The following CYP20A1 variants were observed in gnomAD, a reference collection of about 807,000 sequenced individuals.
The protein encoded by CYP20A1 is cytochrome P450 family 20 subfamily A member 1, also known as cytochrome P450 20A1.
In CYP20A1, 61 loss-of-function variants were observed where a neutral mutation model predicts 61.4. That is an observed-to-expected ratio of 0.99 (90% CI 0.81 to 1.23). The LOEUF is 1.23. Among genes scored for constraint, CYP20A1 ranks in the 50% most tolerant of loss-of-function variants. The probability of loss-of-function intolerance (pLI) is 0.00; values close to 1 mark genes in which losing one functional copy is unlikely to be tolerated. For missense variants in CYP20A1, 530 were observed against 542.4 expected (o/e 0.98, Z 0.23); for synonymous variants, 193 against 188.2 (o/e 1.03, Z -0.21).
chr2:203,241,631 G>A (rs184043414), intron 1 of CYP20A1, among the ~76,000 whole-genome samples: 26 of 152,228 alleles, frequency 1.7e-4, no homozygotes, highest in Non-Finnish European at 2.9e-5. Context: ...TTAAGTTAAG[G>A]CCTAATAATT....
chr2:203,267,409 C>G (rs1017603958), intron 5 of CYP20A1, among the ~76,000 whole-genome samples: 4 of 151,922 alleles, frequency 2.6e-5, no homozygotes, highest in African/African-American at 9.7e-5. Context: ...TGGCTTGCAC[C>G]TGTAATTCAA....
chr2:203,285,763 A>G, intron 9 of CYP20A1, 31 bp downstream of exon 9: 2 of 1,509,976 alleles, frequency 1.3e-6, no homozygotes, highest in South Asian at 1.4e-5. Context: ...GGAGATTATT[A>G]AAAGGTAAAT....
At chr2:203,266,367 C>T in intron 4 of CYP20A1, 147 bp from the exon 5 acceptor site, 3 of 646,552 alleles carry the variant, frequency 4.6e-6, no homozygotes, top group Middle Eastern at 4.3e-4. Context: ...ATAGGTGGAG[C>T]TAGTGTTAGT....
intron 3 of CYP20A1, among the ~76,000 whole-genome samples, chr2:203,248,158 G>A (rs2066525658): frequency 6.6e-6 from 1 of 152,102 alleles, no homozygotes; most frequent in Non-Finnish European, 1.5e-5. Context: ...TCGGGAGGTT[G>A]AGGCTTCAGT....
chr2:203,293,850 T>C (rs2068653930), intron 11 of CYP20A1, among the ~76,000 whole-genome samples: 1 of 152,240 alleles, frequency 6.6e-6, no homozygotes, highest in African/African-American at 2.4e-5. Context: ...AGGAATTTTT[T>C]TGTTCTGTGG....
chr2:203,257,074 G>A (rs114763105), intron 4 of CYP20A1, among the ~76,000 whole-genome samples: 4,571 of 150,510 alleles, frequency 0.03, 256 homozygotes, highest in African/African-American at 0.11. Flanking sequence ...TCACCATGTC[G>A]CCCAGGCTGG....
At chr2:203,244,714 A>G (rs988086187) in intron 1 of CYP20A1, among the ~76,000 whole-genome samples, 1 of 149,566 alleles carries the variant, frequency 6.7e-6, no homozygotes, top group African/African-American at 2.5e-5. Context: ...GAAGAATAAT[A>G]TCCTGAATGA....
rs1193228504 is a variant in CYP20A1, at chr2:203,304,088, G to A, written c.*7180G>A. Among the ~76,000 whole-genome samples the A allele has an allele frequency of 2.0e-5, 3 of 151,404 alleles. No homozygotes were observed. The highest frequency in any genetic ancestry group is 4.8e-5 in the African/African-American group (2 of 41,240). On this transcript the variant is annotated 3_prime_UTR_variant, in exon 13 of 13. Transcript: ENST00000356079. ...TACAAAAATTAGTGGGTGTGGAGGC[G>A]GGCGAATGTAATCCCAGCTAGTTGA...
At position 203,300,891 on chromosome 2, in the gene CYP20A1, GAAAAAAAAA is replaced by G. The variant is rs1163039964; in HGVS notation, c.*3997_*4005del. ...GCAATAAGAGCAAAACTCCGTCTCA[GAAAAAAAAA>G]AAAAAAAAAAAAACGGCCAGGCGAG... On this transcript the variant is annotated 3_prime_UTR_variant, in exon 13 of 13. Coordinates refer to ENST00000356079, the MANE Select transcript of CYP20A1 (RefSeq NM_177538.3). 8.1e-5 allele frequency among the ~76,000 whole-genome samples: 3 copies of G among 37,044 alleles called. No homozygotes were observed. Among genetic ancestry groups the G allele is most frequent in the Non-Finnish European group, 1.2e-4 (2 of 16,712 alleles). 24.3% of individuals were successfully genotyped at this position (37,044 alleles called of 152,430 possible).
chr2:203,279,540 C>T (rs185320568), intron 7 of CYP20A1, among the ~76,000 whole-genome samples: 24 of 152,238 alleles, frequency 1.6e-4, no homozygotes, highest in African/African-American at 4.6e-4. Flanking sequence ...ATTGCCACAC[C>T]TCTTCATTGT....
At chr2:203,244,329 G>A (rs2105893818) in intron 1 of CYP20A1, among the ~76,000 whole-genome samples, 1 of 152,286 alleles carries the variant, frequency 6.6e-6, no homozygotes, top group Non-Finnish European at 1.5e-5. Context: ...AGCCTCCTGA[G>A]TAGCTGGGAC....
At chr2:203,296,078 C>T (rs1230552029) in intron 11 of CYP20A1, among the ~76,000 whole-genome samples, 1 of 152,088 alleles carries the variant, frequency 6.6e-6, no homozygotes, top group Non-Finnish European at 1.5e-5. Flanking sequence ...GCCTGGGCAA[C>T]CTAGGGAGAA....
intron 8 of CYP20A1, among the ~76,000 whole-genome samples, chr2:203,282,392 T>C (rs1363752055): frequency 6.6e-6 from 1 of 152,082 alleles, no homozygotes; most frequent in Admixed American, 6.6e-5. Context: ...CCAGCTACGT[T>C]GGAGGCTGAG....
intron 11 of CYP20A1, among the ~76,000 whole-genome samples, chr2:203,296,074 G>A (rs1286839458): frequency 6.6e-6 from 1 of 152,172 alleles, no homozygotes; most frequent in African/African-American, 2.4e-5. Context: ...ATCAGCCTGG[G>A]CAACCTAGGG....
Position 203,296,787 on chromosome 2 carries a change from T to A in CYP20A1, c.1268T>A (p.Leu423His), listed in dbSNP as rs141888883. The A allele has an allele frequency of 5.1e-4, 820 of 1,602,584 alleles. 2 individuals are homozygous for A. The highest frequency in any genetic ancestry group is 6.6e-4 in the Non-Finnish European group (779 of 1,176,792). The change falls in exon 13 of 13, where the codon CTT (leucine) becomes CAT (histidine). Residue 423 changes from leucine to histidine, a missense_variant. Coordinates refer to ENST00000356079, the MANE Select transcript of CYP20A1 (RefSeq NM_177538.3). ...RFAYMVTTVL[L>H]SVLVKRLHLL... ...GCATATATGGTGACCACAGTACTTCTTAGTGTATTGGTGAAGAGACTGCAC... is the reference window on the plus strand; with the variant it reads ...GCATATATGGTGACCACAGTACTTCATAGTGTATTGGTGAAGAGACTGCAC...
intron 4 of CYP20A1, among the ~76,000 whole-genome samples, chr2:203,263,358 C>T (rs1012065356): frequency 6.7e-6 from 1 of 150,148 alleles, no homozygotes; most frequent in Non-Finnish European, 1.5e-5. Flanking sequence ...GGCGCGATCT[C>T]GGCTCACTGC....
At chr2:203,265,776 G>A (rs775823875) in intron 4 of CYP20A1, among the ~76,000 whole-genome samples, 4 of 151,944 alleles carry the variant, frequency 2.6e-5, no homozygotes, top group Admixed American at 6.6e-5. Flanking sequence ...TTGCAGCCCC[G>A]GTCTCCCAGA....
intron 4 of CYP20A1, among the ~76,000 whole-genome samples, chr2:203,262,083 C>G (rs997044976): frequency 1.3e-5 from 2 of 152,166 alleles, no homozygotes; most frequent in Non-Finnish European, 2.9e-5. Flanking sequence ...TGCTCTGTGA[C>G]AAGCAGGGGA....
In CYP20A1 at chr2:203,292,271, C is replaced by T. The variant is rs574585474; in HGVS notation, c.1093C>T (p.Leu365Phe). The T allele has an allele frequency of 1.6e-5, 25 of 1,611,962 alleles. No homozygotes were observed. The African/African-American group carries it at 2.0e-4, about 13-fold the overall frequency. The part of the protein sequence containing the change: ...RFIIPRETLV[L>F]YALGVVLQDP... ...TTTTTTTTTTTCACAGACCCTCGTC[C>T]TTTATGCCCTTGGTGTGGTACTTCA... The change falls in exon 11 of 13, where the codon CTT (leucine) becomes TTT (phenylalanine). Residue 365 changes from leucine (L) to phenylalanine (F), a missense_variant. By Grantham distance (22) the Leu-to-Phe change is conservative. Coordinates refer to ENST00000356079, the MANE Select transcript of CYP20A1 (RefSeq NM_177538.3).
Sources: allele counts gnomAD v4.1 joint callset (sites outside exome capture counted in the v4.1 genomes callset), GRCh38; gene constraint gnomAD v4.1.1; transcripts MANE v1.5; gene names NCBI Gene and HGNC (gene_info 2026-07-23, HGNC 2026-07-21).